AKAP19: variants seen among roughly 807,000 people sequenced by gnomAD.
AKAP19 encodes small A-kinase anchoring protein.
At chr2:190,080,048 C>T in the AKAP19 span, 3 of 152,204 alleles carry the variant, frequency 2.0e-5, no homozygotes, top group South Asian at 2.1e-4. Context: ...CAACATATTA[C>T]GTATTTCTTG....
At chr2:190,166,617 C>T in the AKAP19 span, among the ~76,000 whole-genome samples, 1 of 151,992 alleles carries the variant, frequency 6.6e-6, no homozygotes, top group East Asian at 1.9e-4. Flanking sequence ...TGATTTAGCA[C>T]TTGAAAATCT....
At chr2:190,048,870 G>T in the AKAP19 span, among the ~76,000 whole-genome samples, 1 of 152,118 alleles carries the variant, frequency 6.6e-6, no homozygotes, top group Non-Finnish European at 1.5e-5. Flanking sequence ...AAATAAATTG[G>T]ATTCTTCCTT....
the AKAP19 span, among the ~76,000 whole-genome samples, chr2:189,886,906 A>T: frequency 2.0e-4 from 30 of 152,240 alleles, no homozygotes; most frequent in East Asian, 4.4e-3. Flanking sequence ...GAGCACACAC[A>T]CAAAAATGCA....
chr2:189,951,710 T>G, the AKAP19 span, among the ~76,000 whole-genome samples: 1 of 152,238 alleles, frequency 6.6e-6, no homozygotes, highest in Non-Finnish European at 1.5e-5. Flanking sequence ...AGAGAATCAT[T>G]TAGCTCATCT....
the AKAP19 span, among the ~76,000 whole-genome samples, chr2:190,193,191 T>A: frequency 6.6e-6 from 1 of 151,954 alleles, no homozygotes; most frequent in African/African-American, 2.4e-5. Context: ...TTATCAAAAT[T>A]TTTTTTCTGT....
chr2:190,023,927 A>T, the AKAP19 span, among the ~76,000 whole-genome samples: 5,199 of 151,776 alleles, frequency 0.034, 285 homozygotes, highest in African/African-American at 0.11. Flanking sequence ...TTAGATGTTT[A>T]GTGAAAGACT....
chr2:190,104,447 G>T, the AKAP19 span, among the ~76,000 whole-genome samples: 1 of 152,154 alleles, frequency 6.6e-6, no homozygotes, highest in African/African-American at 2.4e-5. Flanking sequence ...TCAGACAAGG[G>T]TCTAATATCC....
the AKAP19 span, among the ~76,000 whole-genome samples, chr2:190,137,157 CTAA>C: frequency 2.0e-5 from 3 of 152,060 alleles, no homozygotes; most frequent in African/African-American, 7.3e-5. Context: ...TTGCTTTATC[CTAA>C]TAATGTCAAT....
chr2:190,033,437 A>G, the AKAP19 span, among the ~76,000 whole-genome samples: 2 of 152,222 alleles, frequency 1.3e-5, no homozygotes, highest in Non-Finnish European at 2.9e-5. Flanking sequence ...TGGTTTTCCA[A>G]TAGGTGCAAT....
chr2:190,126,437 A>G, the AKAP19 span, among the ~76,000 whole-genome samples: 3 of 151,976 alleles, frequency 2.0e-5, no homozygotes, highest in Non-Finnish European at 4.4e-5. Context: ...TATCCTTTAC[A>G]ATATCCTTGA....
At chr2:190,172,812 C>T in the AKAP19 span, among the ~76,000 whole-genome samples, 1 of 152,136 alleles carries the variant, frequency 6.6e-6, no homozygotes, top group Non-Finnish European at 1.5e-5. Flanking sequence ...GCTAGTGTGA[C>T]AATTAGATGA....
the AKAP19 span, among the ~76,000 whole-genome samples, chr2:190,004,587 T>TA: frequency 2.0e-5 from 3 of 152,082 alleles, no homozygotes; most frequent in Admixed American, 6.6e-5. Context: ...CTTTTTATTT[T>TA]TTTTTTTTGA....
chr2:190,178,092 C>A, the AKAP19 span, among the ~76,000 whole-genome samples: 2 of 152,132 alleles, frequency 1.3e-5, no homozygotes, highest in Admixed American at 1.3e-4. This position sits in a 1 kb window ranked among gnomAD's most constrained non-coding sequence, Gnocchi z 6.3. Flanking sequence ...GTCTCTGCCA[C>A]CACCAGTTTG....
chr2:190,068,640 A>G, the AKAP19 span, among the ~76,000 whole-genome samples: 1 of 152,160 alleles, frequency 6.6e-6, no homozygotes. Flanking sequence ...TGGCCAGAAC[A>G]GTGTTTTTTA....
the AKAP19 span, among the ~76,000 whole-genome samples, chr2:190,034,856 CAAAAAAAAAAAA>C: frequency 1.5e-5 from 1 of 68,640 alleles, no homozygotes; most frequent in African/African-American, 6.3e-5. Context: ...CCTGTCTCAC[CAAAAAAAAAAAA>C]AAAAAAAAAA....
chr2:190,118,681 A>C, the AKAP19 span, among the ~76,000 whole-genome samples: 2 of 152,350 alleles, frequency 1.3e-5, no homozygotes, highest in South Asian at 2.1e-4. Flanking sequence ...TTCATGCTAA[A>C]AACTCTCAAT....
the AKAP19 span, among the ~76,000 whole-genome samples, chr2:190,081,095 G>A: frequency 2.0e-5 from 3 of 152,272 alleles, no homozygotes; most frequent in African/African-American, 7.2e-5. Context: ...TCTGCAGAAA[G>A]GAATGGCCCT....
chr2:190,038,864 T>G, the AKAP19 span, among the ~76,000 whole-genome samples: 5 of 134,934 alleles, frequency 3.7e-5, no homozygotes, highest in East Asian at 2.4e-4. Context: ...CTGGGCTTAT[T>G]TGTAGAGTCC....
the AKAP19 span, among the ~76,000 whole-genome samples, chr2:189,880,501 G>T: frequency 6.6e-6 from 1 of 152,204 alleles, no homozygotes; most frequent in African/African-American, 2.4e-5. Context: ...GAAGGAGGGA[G>T]GATATGGTCA....
Sources: allele counts gnomAD v4.1 joint callset (sites outside exome capture counted in the v4.1 genomes callset), GRCh38; gene constraint gnomAD v4.1.1; non-coding constraint Gnocchi (gnomAD v3.1); transcripts MANE v1.5; gene names NCBI Gene and HGNC (gene_info 2026-07-23, HGNC 2026-07-21).